Variants in DST observed in about 807,000 individuals in gnomAD.
DST encodes dystonin.
In DST, 253 loss-of-function variants were observed where a neutral mutation model predicts 875.2. That is an observed-to-expected ratio of 0.29 (90% CI 0.26 to 0.32). The LOEUF is 0.32. Ranked by LOEUF, DST falls within the 10% of genes least tolerant of loss-of-function variation. The probability of loss-of-function intolerance (pLI) is 1.00; values close to 1 mark genes in which losing one functional copy is unlikely to be tolerated. For synonymous variants in DST, 3,124 were observed against 3,197.1 expected (o/e 0.98, Z 0.77); for missense variants, 8,287 against 9,111.6 (o/e 0.91, Z 3.68).
intron 5 of DST, among the ~76,000 whole-genome samples, chr6:56,706,954 G>A (rs999396336): frequency 5.3e-5 from 8 of 152,182 alleles, no homozygotes; most frequent in Admixed American, 2.0e-4. Context: ...GCAGTGAGCC[G>A]AGATCATGCC....
At chr6:56,851,890 C>A in intron 3 of DST, 1 of 1,549,796 alleles carries the variant, frequency 6.5e-7, no homozygotes, top group Non-Finnish European at 8.7e-7. Context: ...GTCCGGCCAC[C>A]AGCTCACAAA....
At chr6:56,722,343 T>C (rs1420120314) in intron 5 of DST, among the ~76,000 whole-genome samples, 2 of 151,960 alleles carry the variant, frequency 1.3e-5, no homozygotes, top group Admixed American at 6.5e-5. Flanking sequence ...TTGTTCTTTT[T>C]TGACAATAAA....
chr6:56,619,720 G>C (rs1218607276), intron 36 of DST: 2 of 1,614,044 alleles, frequency 1.2e-6, no homozygotes, highest in South Asian at 1.1e-5. Context: ...CAAGCTCTCT[G>C]AGTTGTTGAG....
chr6:56,868,843 TGA>T (rs1418728074), intron 3 of DST, among the ~76,000 whole-genome samples: 3 of 152,204 alleles, frequency 2.0e-5, no homozygotes, highest in Non-Finnish European at 2.9e-5. Flanking sequence ...TACTGAAATT[TGA>T]GAGTTGAAAT....
rs751060715 is a variant in DST at position 56,639,679 on chromosome 6, T to TA, written c.2697+16dup. ...ATATAGATAAGGGAAACAGAAGGTT[T>TA]AAAAAAAAAAACTTACCAAGAGTTT... On this transcript the variant is annotated intron_variant, in intron 20 of 103. Coordinates refer to ENST00000680361, the MANE Select transcript of DST (RefSeq NM_001374736.1). 35,468 of 926,854 alleles carry TA rather than the reference T, an allele frequency of 0.038. No individual in the cohort carries two copies. Among genetic ancestry groups the TA allele is most frequent in the Non-Finnish European group, 0.045 (29,817 of 669,826 alleles). The allele number at this position is 926,854 out of a possible 1,614,324, so 57.4% of individuals were successfully genotyped here. A position where few individuals can be genotyped will look rare whatever the true frequency, so the allele number is the denominator to read the frequency against.
chr6:56,485,222 G>C (rs761277116), intron 88 of DST, 90 bp downstream of exon 88: 2 of 1,436,844 alleles, frequency 1.4e-6, no homozygotes, highest in African/African-American at 2.8e-5. Context: ...ATAGTCTTCT[G>C]ATTTTAAAAG....
Position 56,893,577 on chromosome 6 carries a change from T to TA in DST, c.417+6843_417+6844insT, listed in dbSNP as rs1788884733. On this transcript the variant is annotated intron_variant, in intron 3 of 103. Coordinates refer to ENST00000680361, the MANE Select transcript of DST (RefSeq NM_001374736.1). The stretch of plus-strand genomic sequence containing the variant: ...ACTTTTAGTTCTTTTTTTTTTTTTT[T>TA]TTTTTTTTTTATTTTTTTTTATTTT... 1.5e-4 allele frequency among the ~76,000 whole-genome samples: 11 copies of TA among 71,948 alleles called. 1 individual carries two copies. Among genetic ancestry groups the TA allele is most frequent in the African/African-American group, 2.0e-4 (2 of 10,022 alleles). The allele number at this position is 71,948 out of a possible 152,430, so 47.2% of individuals were successfully genotyped here. A position where few individuals can be genotyped will look rare whatever the true frequency, so the allele number is the denominator to read the frequency against.
chr6:56,827,477 A>G (rs1334829019), intron 4 of DST, among the ~76,000 whole-genome samples: 1 of 145,126 alleles, frequency 6.9e-6, no homozygotes, highest in Non-Finnish European at 1.5e-5. Context: ...ACTGCACTCC[A>G]GCCTGGGCAA....
chr6:56,508,731 A>G lies in DST; in HGVS notation c.19037T>C (p.Met6346Thr), dbSNP rs752579969. 1.9e-6 allele frequency: 3 copies of G among 1,613,458 alleles called. No individual in the cohort carries two copies. ...GTGTATGTTCTCCCAAATGAAAACC[A>G]TTTGGTCAAGCTTATCCTGAACAGC... Reference protein sequence around the residue: ...AKAVQDKLDQMVFIWENIHTL... With the variant: ...AKAVQDKLDQTVFIWENIHTL... Residue 6346 changes from methionine (M) to threonine (T), a missense_variant, in exon 75 of 104, where the codon ATG (methionine) becomes ACG (threonine). Around this residue, in one of 10 missense-constraint regions of DST, gnomAD observed 1,292 missense variants for 1,552.7 expected, o/e 0.83. Coordinates refer to ENST00000680361, the MANE Select transcript of DST (RefSeq NM_001374736.1).
intron 37 of DST, 142 bp from the exon 38 acceptor site, chr6:56,611,738 T>C: frequency 1.6e-6 from 1 of 617,454 alleles, no homozygotes; most frequent in South Asian, 2.0e-5. Context: ...CTATCAGTTA[T>C]TAGCAGTCTA....
intron 89 of DST, 105 bp downstream of exon 89, chr6:56,482,578 T>G (rs2095437028): frequency 8.7e-7 from 1 of 1,153,598 alleles, no homozygotes; most frequent in Non-Finnish European, 1.2e-6. Flanking sequence ...CTTCAGACTG[T>G]CCTGATTGAG....
chr6:56,684,151 C>T (rs1247521859), intron 9 of DST, among the ~76,000 whole-genome samples: 8 of 152,118 alleles, frequency 5.3e-5, no homozygotes, highest in Non-Finnish European at 7.4e-5. Flanking sequence ...ACAGAAGCAC[C>T]CTATTTTTAC....
At chr6:56,646,734 T>C (rs2152790269) in intron 13 of DST, among the ~76,000 whole-genome samples, 1 of 152,364 alleles carries the variant, frequency 6.6e-6, no homozygotes, top group South Asian at 2.1e-4. Context: ...GATGGGGCTA[T>C]TATTACAGAA....
At chr6:56,704,047 T>C (rs1450215086) in intron 6 of DST, among the ~76,000 whole-genome samples, 1 of 152,162 alleles carries the variant, frequency 6.6e-6, no homozygotes, top group East Asian at 1.9e-4. Context: ...AGTATTTTAA[T>C]TATAGAACTG....
intron 5 of DST, among the ~76,000 whole-genome samples, chr6:56,711,544 T>C (rs1407676156): frequency 6.6e-6 from 1 of 152,210 alleles, no homozygotes; most frequent in Non-Finnish European, 1.5e-5. Flanking sequence ...TGTACAGATC[T>C]TGGTGTGGGG....
At chr6:56,717,871 T>A (rs1316629210) in intron 5 of DST, among the ~76,000 whole-genome samples, 2 of 143,050 alleles carry the variant, frequency 1.4e-5, no homozygotes, top group African/African-American at 5.5e-5. Flanking sequence ...ATTTGAGTAA[T>A]AATAAAACAC....
At chr6:56,487,358 A>C in intron 86 of DST, 85 bp from the exon 87 acceptor site, 1 of 1,167,544 alleles carries the variant, frequency 8.6e-7, no homozygotes, top group African/African-American at 1.5e-5. Flanking sequence ...ATCCCTAATA[A>C]ATGGAGATGA....
Position 56,629,242 on chromosome 6 carries a change from A to ATAC in DST, c.4475+5_4475+7dup. 2 of 1,613,524 alleles carry ATAC rather than the reference A, an allele frequency of 1.2e-6. No individual in the cohort carries two copies. Reference sequence around the variant, plus strand: ...CTGTGCTAAAACTGAACAAAAAAGGATACTAACCTGTTGTCAATCTGCACA... The same window carrying ATAC: ...CTGTGCTAAAACTGAACAAAAAAGGATACTACTAACCTGTTGTCAATCTGCACA... On this transcript the variant is annotated splice_region_variant and intron_variant, in intron 32 of 103. Transcript: ENST00000680361.
In DST at chr6:56,508,430, T is replaced by C. The variant is rs955352456; in HGVS notation, c.19239+99A>G. 3.8e-5 allele frequency: 36 copies of C among 958,640 alleles called. No individual in the cohort carries two copies. The African/African-American group carries it at 4.1e-4, about 11-fold the overall frequency. 59.4% of individuals were successfully genotyped at this position (958,640 alleles called of 1,614,324 possible). A position where few individuals can be genotyped will look rare whatever the true frequency, so the allele number is the denominator to read the frequency against. ...CACATTCCATTTTCAGAACCAAATATAAATGTTAACAGAGTAACTCCTAAC... is the reference window on the plus strand; with the variant it reads ...CACATTCCATTTTCAGAACCAAATACAAATGTTAACAGAGTAACTCCTAAC... On this transcript the variant is annotated intron_variant, in intron 75 of 103. Transcript: ENST00000680361.
Sources: allele counts gnomAD v4.1 joint callset (sites outside exome capture counted in the v4.1 genomes callset), GRCh38; gene constraint gnomAD v4.1.1; regional missense constraint gnomAD v4.1.1; transcripts MANE v1.5; gene names NCBI Gene and HGNC (gene_info 2026-07-23, HGNC 2026-07-21).